The following STXBP4 variants were observed in gnomAD, a reference collection of about 807,000 sequenced individuals.
STXBP4 encodes syntaxin binding protein 4.
STXBP4 carries 55 observed loss-of-function variants against 76.1 expected under a neutral mutation model. The observed-to-expected ratio is 0.72, with a 90% CI of 0.58 to 0.91. The LOEUF (loss-of-function observed/expected upper bound fraction) is 0.91. Ranked by LOEUF, STXBP4 falls within the 40% of genes least tolerant of loss-of-function variation. STXBP4 has a pLI of 0.00. For missense variants in STXBP4, 618 were observed against 636.9 expected (o/e 0.97, Z 0.32); for synonymous variants, 201 against 220.2 (o/e 0.91, Z 0.77).
chr17:55,060,490 A>G (rs1403915478), intron 12 of STXBP4, among the ~76,000 whole-genome samples: 2 of 152,130 alleles, frequency 1.3e-5, no homozygotes, highest in African/African-American at 4.8e-5. Context: ...ACACCAAGTT[A>G]CTACAGTACT....
chr17:55,153,673 G>A (rs2080240905), intron 17 of STXBP4, among the ~76,000 whole-genome samples: 1 of 152,142 alleles, frequency 6.6e-6, no homozygotes. Flanking sequence ...GTGAACACCT[G>A]TATGGCTTGT....
chr17:55,077,984 A>G, intron 13 of STXBP4, 94 bp from the exon 14 acceptor site: 1 of 725,198 alleles, frequency 1.4e-6, no homozygotes, highest in Non-Finnish European at 2.3e-6. Context: ...ATAATTTGGT[A>G]ATATTGAATA....
intron 16 of STXBP4, among the ~76,000 whole-genome samples, chr17:55,084,452 G>C (rs184402313): frequency 6.6e-6 from 1 of 152,040 alleles, no homozygotes; most frequent in Non-Finnish European, 1.5e-5. Context: ...TCTGATGGTA[G>C]TTTCTTTTGC....
At chr17:55,097,320 AT>A (rs1268500744) in intron 16 of STXBP4, among the ~76,000 whole-genome samples, 1 of 152,228 alleles carries the variant, frequency 6.6e-6, no homozygotes, top group Non-Finnish European at 1.5e-5. Context: ...AAAATGATGT[AT>A]TTGTCTCTAA....
intron 10 of STXBP4, 74 bp downstream of exon 10, chr17:55,034,333 G>T: frequency 5.3e-6 from 5 of 936,664 alleles, no homozygotes; most frequent in South Asian, 2.8e-5. Context: ...CATATGTGTA[G>T]GCTTTTTTCA....
chr17:55,082,220 A>T (rs2079265241), intron 16 of STXBP4, among the ~76,000 whole-genome samples: 1 of 152,240 alleles, frequency 6.6e-6, no homozygotes, highest in South Asian at 2.1e-4. Flanking sequence ...GAATCACCAC[A>T]AATGTGGCAA....
Position 54,968,832 on chromosome 17 carries a change from C to G in STXBP4, c.-157+17C>G, listed in dbSNP as rs2077332003. The G allele has an allele frequency of 1.6e-6, 1 of 618,054 alleles. No homozygotes were observed. The highest frequency in any genetic ancestry group is 2.8e-6 in the Non-Finnish European group (1 of 353,670). The allele number at this position is 618,054 out of a possible 1,614,324, so 38.3% of individuals were successfully genotyped here. On this transcript the variant is annotated intron_variant, in intron 1 of 17. Coordinates refer to ENST00000376352, the MANE Select transcript of STXBP4 (RefSeq NM_178509.6). ...AGATTACGGGTAAGTTTGCGTTTTG[C>G]TTTGTGACTGTTACTCCCACTTCGC...
rs531263875 is a variant in STXBP4, at chr17:55,052,975, A to G, written c.1011+5821A>G. 7.9e-5 allele frequency among the ~76,000 whole-genome samples: 9 copies of G among 113,696 alleles called. No homozygotes were observed. In the South Asian group the frequency reaches 3.1e-3, roughly 39 times the overall value. The allele number at this position is 113,696 out of a possible 152,430, so 74.6% of individuals were successfully genotyped here. A position where few individuals can be genotyped will look rare whatever the true frequency, so the allele number is the denominator to read the frequency against. On this transcript the variant is annotated intron_variant, in intron 12 of 17. Coordinates refer to ENST00000376352, the MANE Select transcript of STXBP4 (RefSeq NM_178509.6). ...TGGGTTGTATTCTTTAGAAATGTCA[A>G]TGCTATTTTCTTAAAAAAAAAAAAG... is the stretch of plus-strand genomic sequence containing the variant.
At chr17:55,193,847 C>CA in the STXBP4 span, among the ~76,000 whole-genome samples, 1 of 148,234 alleles carries the variant, frequency 6.7e-6, no homozygotes, top group South Asian at 2.1e-4. Flanking sequence ...TAATTAATTC[C>CA]TACAGCAAGG....
the STXBP4 span, among the ~76,000 whole-genome samples, chr17:55,196,228 C>G: frequency 6.6e-6 from 1 of 152,034 alleles, no homozygotes; most frequent in Non-Finnish European, 1.5e-5. Flanking sequence ...CTTCTTTCTC[C>G]CCTGCAATGG....
downstream of STXBP4, among the ~76,000 whole-genome samples, chr17:55,177,816 A>G (rs370520725): frequency 1.5e-3 from 227 of 152,340 alleles, 7 homozygotes; most frequent in South Asian, 0.045. Flanking sequence ...GAAGATGACA[A>G]TGGTTATCAG....
At chr17:55,191,040 G>A in the STXBP4 span, among the ~76,000 whole-genome samples, 4 of 152,154 alleles carry the variant, frequency 2.6e-5, no homozygotes, top group Non-Finnish European at 4.4e-5. Flanking sequence ...CATTTTCAGA[G>A]CCCTTTCCAG....
chr17:54,999,752 A>G lies in STXBP4; in HGVS notation c.408A>G (p.Thr136=), dbSNP rs773891865. 4 of 1,613,658 alleles carry G rather than the reference A, an allele frequency of 2.5e-6. No individual in the cohort carries two copies. The highest frequency in any genetic ancestry group is 3.4e-6 in the Non-Finnish European group (4 of 1,179,738). The change falls in exon 6 of 18, where the codon ACA becomes ACG. Residue 136 remains threonine (T), a synonymous_variant. Coordinates refer to ENST00000376352, the MANE Select transcript of STXBP4 (RefSeq NM_178509.6). ...GAGAATATGGACCTCAAGCCTCAACATTAAGTCTTTTTTCTTCTCCTCCTG... is the reference window on the plus strand; with the variant it reads ...GAGAATATGGACCTCAAGCCTCAACGTTAAGTCTTTTTTCTTCTCCTCCTG... ...ASGEYGPQAS[T]LSLFSSPPEI...
At chr17:55,085,665 A>G (rs1054664197) in intron 16 of STXBP4, among the ~76,000 whole-genome samples, 1 of 152,010 alleles carries the variant, frequency 6.6e-6, no homozygotes. Flanking sequence ...AACTATCAAA[A>G]TGATGTTTTC....
chr17:55,043,219 T>C lies in STXBP4; in HGVS notation c.856-17T>C, dbSNP rs983257443. On this transcript the variant is annotated splice_polypyrimidine_tract_variant and intron_variant, in intron 10 of 17. Coordinates refer to ENST00000376352, the MANE Select transcript of STXBP4 (RefSeq NM_178509.6). ...CATCTAATGCACAACTTTTCTCTTA[T>C]ATTTTAATGTTGATAGCTTCTTCCT... is the stretch of plus-strand genomic sequence containing the variant. 7.8e-6 allele frequency: 11 copies of C among 1,405,774 alleles called. No homozygotes were observed. The Admixed American group carries it at 1.8e-4, about 23-fold the overall frequency. The allele number at this position is 1,405,774 out of a possible 1,614,324, so 87.1% of individuals were successfully genotyped here.
intron 12 of STXBP4, among the ~76,000 whole-genome samples, chr17:55,070,234 A>G (rs909255897): frequency 3.9e-5 from 6 of 152,186 alleles, no homozygotes; most frequent in African/African-American, 1.4e-4. Context: ...TATAAAATGC[A>G]GATAATAATA....
At chr17:55,093,586 G>T (rs982700718) in intron 16 of STXBP4, among the ~76,000 whole-genome samples, 1 of 152,150 alleles carries the variant, frequency 6.6e-6, no homozygotes, top group South Asian at 2.1e-4. Context: ...ATATTCTCCT[G>T]TGTTGTTTCA....
At chr17:55,213,006 T>C in the STXBP4 span, among the ~76,000 whole-genome samples, 1 of 152,140 alleles carries the variant, frequency 6.6e-6, no homozygotes, top group African/African-American at 2.4e-5. Flanking sequence ...CTGGGGCCAC[T>C]CAGAAAACTG....
chr17:55,181,815 A>G, the STXBP4 span, among the ~76,000 whole-genome samples: 21 of 152,194 alleles, frequency 1.4e-4, no homozygotes, highest in Non-Finnish European at 2.6e-4. Context: ...GAGTAAGGGT[A>G]TGAGTTACTG....
Sources: gnomAD v4.1 joint callset for allele counts (sites outside exome capture counted in the v4.1 genomes callset) on GRCh38, gnomAD v4.1.1 for gene constraint, MANE v1.5 for transcripts, NCBI Gene and HGNC (gene_info 2026-07-23, HGNC 2026-07-21) for gene names.